NXPE2: variants seen among roughly 807,000 people sequenced by gnomAD.
NXPE2 encodes neurexophilin and PC-esterase domain family member 2, also known as NXPE family member 2.
Under a neutral mutation model 34.4 loss-of-function variants are expected in NXPE2, and 34 were observed. That is an observed-to-expected ratio of 0.99 (90% CI 0.75 to 1.31). The LOEUF is 1.31. Ranked by LOEUF, NXPE2 falls within the 40% of genes most tolerant of loss-of-function variation. The pLI, the probability that NXPE2 is intolerant of heterozygous loss-of-function variation, is 0.00. For synonymous variants in NXPE2, 235 were observed against 231.3 expected (o/e 1.02, Z -0.15); for missense variants, 649 against 672.5 (o/e 0.97, Z 0.39).
the NXPE2 span, among the ~76,000 whole-genome samples, chr11:114,668,352 C>T: frequency 3.9e-5 from 6 of 151,914 alleles, no homozygotes; most frequent in African/African-American, 1.4e-4. Context: ...ATAAGCCACT[C>T]CTAAGTTCTC....
chr11:114,552,599 T>C, the NXPE2 span, among the ~76,000 whole-genome samples: 1 of 152,008 alleles, frequency 6.6e-6, no homozygotes, highest in Non-Finnish European at 1.5e-5. Flanking sequence ...AAGAAATCAA[T>C]CAAGGGGCTA....
At chr11:114,707,785 C>G (rs201213705), downstream of NXPE2, among the ~76,000 whole-genome samples, 1 of 152,212 alleles carries the variant, frequency 6.6e-6, no homozygotes, top group Non-Finnish European at 1.5e-5. Flanking sequence ...TAAGTGGGAA[C>G]ATGCAGCATT....
chr11:114,760,688 C>G, the NXPE2 span, among the ~76,000 whole-genome samples: 1 of 152,146 alleles, frequency 6.6e-6, no homozygotes, highest in Non-Finnish European at 1.5e-5. Flanking sequence ...TCCTGTCCCT[C>G]ATATGTGAAA....
At chr11:114,483,610 T>G in the NXPE2 span, among the ~76,000 whole-genome samples, 1 of 152,212 alleles carries the variant, frequency 6.6e-6, no homozygotes, top group South Asian at 2.1e-4. Context: ...TTTCTAACTT[T>G]TCTGTGTCTG....
the NXPE2 span, among the ~76,000 whole-genome samples, chr11:114,615,829 A>G: frequency 3.3e-5 from 5 of 151,484 alleles, no homozygotes; most frequent in Admixed American, 3.3e-4. Context: ...AACCACTGTT[A>G]CCCTGTGGAT....
At chr11:114,622,573 T>G in the NXPE2 span, among the ~76,000 whole-genome samples, 12 of 152,204 alleles carry the variant, frequency 7.9e-5, no homozygotes, top group East Asian at 2.1e-3. Context: ...GGGTAACCAC[T>G]GCTACCCGGT....
At chr11:114,682,731 A>C (rs11215147) in intron 2 of NXPE2, among the ~76,000 whole-genome samples, 1 of 152,036 alleles carries the variant, frequency 6.6e-6, no homozygotes, top group Admixed American at 6.6e-5. Context: ...AGTTACCAAA[A>C]GGCAAAAGAG....
At chr11:114,783,733 G>A in the NXPE2 span, among the ~76,000 whole-genome samples, 1 of 152,104 alleles carries the variant, frequency 6.6e-6, no homozygotes, top group Non-Finnish European at 1.5e-5. Flanking sequence ...TTCATCTTAG[G>A]CACTGTGGTG....
chr11:114,760,316 A>C, the NXPE2 span, among the ~76,000 whole-genome samples: 1 of 152,162 alleles, frequency 6.6e-6, no homozygotes, highest in Non-Finnish European at 1.5e-5. Context: ...ACAGGCCTTC[A>C]CCAGGTAAGA....
the NXPE2 span, among the ~76,000 whole-genome samples, chr11:114,757,237 T>C: frequency 4.9e-3 from 742 of 152,242 alleles, 3 homozygotes; most frequent in African/African-American, 0.016. Flanking sequence ...ATTCCAAGAC[T>C]ATATCAACTA....
At chr11:114,505,543 C>T in the NXPE2 span, among the ~76,000 whole-genome samples, 2 of 152,146 alleles carry the variant, frequency 1.3e-5, no homozygotes, top group African/African-American at 2.4e-5. Context: ...TGAAACCCTA[C>T]AAGCCAGAGG....
the NXPE2 span, among the ~76,000 whole-genome samples, chr11:114,502,989 G>A: frequency 6.6e-6 from 1 of 152,124 alleles, no homozygotes; most frequent in Non-Finnish European, 1.5e-5. Flanking sequence ...GTGTCTTCAA[G>A]TCTCCCAGAT....
chr11:114,514,705 AAC>A, the NXPE2 span, among the ~76,000 whole-genome samples: 3 of 152,174 alleles, frequency 2.0e-5, no homozygotes, highest in African/African-American at 7.2e-5. Flanking sequence ...TTCTTTACAT[AAC>A]ACACAAATTT....
At chr11:114,710,569 T>A (rs1351886649), downstream of NXPE2, among the ~76,000 whole-genome samples, 1 of 152,138 alleles carries the variant, frequency 6.6e-6, no homozygotes, top group Non-Finnish European at 1.5e-5. Flanking sequence ...TGAACAGACC[T>A]ATAACTGAGA....
the NXPE2 span, among the ~76,000 whole-genome samples, chr11:114,545,840 C>T: frequency 1.3e-5 from 2 of 151,926 alleles, no homozygotes; most frequent in African/African-American, 4.8e-5. Flanking sequence ...AGGGGCACAC[C>T]ACCACGCCCA....
At chr11:114,480,701 C>A in the NXPE2 span, among the ~76,000 whole-genome samples, 1 of 152,082 alleles carries the variant, frequency 6.6e-6, no homozygotes, top group Admixed American at 6.6e-5. Context: ...ATACAGCGAC[C>A]GTTGGTTAAA....
upstream of NXPE2, among the ~76,000 whole-genome samples, chr11:114,674,561 C>G (rs1017496650): frequency 6.7e-5 from 10 of 149,930 alleles, no homozygotes; most frequent in Admixed American, 6.0e-4. Flanking sequence ...AAGGAGGAAT[C>G]AAAACATACC....
the NXPE2 span, among the ~76,000 whole-genome samples, chr11:114,803,525 T>C: frequency 1.3e-5 from 2 of 151,860 alleles, no homozygotes; most frequent in Non-Finnish European, 2.9e-5. Flanking sequence ...TGGTGCCTTA[T>C]AGCTGTGTCA....
chr11:114,517,500 T>C, the NXPE2 span, among the ~76,000 whole-genome samples: 26,617 of 152,198 alleles, frequency 0.17, 2,693 homozygotes, highest in African/African-American at 0.26. Context: ...TGAAATGTGC[T>C]GTGTCCCTTT....
Sources: gnomAD v4.1 joint callset for allele counts (sites outside exome capture counted in the v4.1 genomes callset) on GRCh38, gnomAD v4.1.1 for gene constraint, MANE v1.5 for transcripts, NCBI Gene and HGNC (gene_info 2026-07-23, HGNC 2026-07-21) for gene names.